Variants in SLC27A1 observed in about 807,000 individuals in gnomAD.
The protein encoded by SLC27A1 is long-chain fatty acid transport protein 1.
A neutral mutation model predicts 62.2 loss-of-function variants in SLC27A1; 61 were observed. The ratio of observed to expected loss-of-function variants is 0.98; its 90% CI spans 0.80 to 1.21. The LOEUF is 1.21. SLC27A1 is among the 50% of genes most tolerant of loss of function. SLC27A1 has a pLI of 0.00. For missense variants in SLC27A1, 903 were observed against 932.1 expected (o/e 0.97, Z 0.41); for synonymous variants, 435 against 408.6 (o/e 1.06, Z -0.78).
rs1465598398 is a variant in SLC27A1 at position 17,487,465 on chromosome 19, C to T, written c.730C>T (p.Leu244Phe). 2.5e-6 allele frequency: 4 copies of T among 1,584,328 alleles called. No individual in the cohort carries two copies. The highest frequency in any genetic ancestry group is 1.7e-5 in the Admixed American group (1 of 58,004). The change falls in exon 4 of 12, where the codon CTT becomes TTT. Residue 244 changes from leucine to phenylalanine, a missense_variant. By Grantham distance (22) the Leu-to-Phe change is conservative. Transcript: ENST00000252595. The stretch of plus-strand genomic sequence containing the variant: ...AACACCTGTATCTCCTGCAGATCGT[C>T]TTTTCTACATCTACACGTCGGGGAC... ...QIPSKGMDDR[L>F]FYIYTSGTTG...
intron 6 of SLC27A1, 84 bp from the exon 7 acceptor site, chr19:17,497,171 G>A (rs1006730378): frequency 2.1e-5 from 23 of 1,077,474 alleles, no homozygotes; most frequent in Non-Finnish European, 3.1e-5. Context: ...CTCCCTGGGT[G>A]GGGCGGTCTC....
At chr19:17,502,742 G>T (rs1599677923) in intron 11 of SLC27A1, among the ~76,000 whole-genome samples, 1 of 150,998 alleles carries the variant, frequency 6.6e-6, no homozygotes, top group Non-Finnish European at 1.5e-5. Flanking sequence ...CTGGCATGCA[G>T]TGGCACTATC....
At position 17,500,634 on chromosome 19, in the gene SLC27A1, T is replaced by G. The variant is rs554272792; in HGVS notation, c.1471+2T>G. The G allele has an allele frequency of 6.2e-7, 1 of 1,613,830 alleles. No individual in the cohort carries two copies. The highest frequency in any genetic ancestry group is 1.7e-5 in the Admixed American group (1 of 59,992). On this transcript the variant is annotated splice_donor_variant, in intron 9 of 11. Coordinates refer to ENST00000252595, the MANE Select transcript of SLC27A1 (RefSeq NM_198580.3). LOFTEE classifies it high-confidence loss of function. Reference sequence around the variant, plus strand: ...AGGGCGACAGCGCCTACCTCTCAGGTGCGCAGCCTGCTAGGCCCCGGTGAC... The same window carrying G: ...AGGGCGACAGCGCCTACCTCTCAGGGGCGCAGCCTGCTAGGCCCCGGTGAC...
chr19:17,492,935 C>G (rs559313330), intron 6 of SLC27A1, among the ~76,000 whole-genome samples: 1 of 149,784 alleles, frequency 6.7e-6, no homozygotes, highest in African/African-American at 2.5e-5. Flanking sequence ...AGCGAAACTC[C>G]GTCTTAAAAA....
intron 7 of SLC27A1, chr19:17,499,443 A>G (rs2075385078): frequency 6.6e-6 from 1 of 151,906 alleles, no homozygotes; most frequent in Admixed American, 6.6e-5. Context: ...TATGATCTAG[A>G]TCTAGTATAA....
chr19:17,475,157 C>T (rs573207910), intron 1 of SLC27A1, among the ~76,000 whole-genome samples: 6 of 152,266 alleles, frequency 3.9e-5, no homozygotes, highest in East Asian at 1.9e-4. Flanking sequence ...TCAGGTCATC[C>T]GCCTGCCTTG....
intron 11 of SLC27A1, among the ~76,000 whole-genome samples, chr19:17,502,335 GTTTTT>G (rs1175394305): frequency 2.6e-5 from 2 of 75,902 alleles, no homozygotes; most frequent in African/African-American, 9.8e-5. Flanking sequence ...CTGAAATAGT[GTTTTT>G]TTTGTTTTTT....
intron 1 of SLC27A1, among the ~76,000 whole-genome samples, chr19:17,485,634 A>T (rs1359372638): frequency 6.6e-6 from 1 of 151,830 alleles, no homozygotes; most frequent in East Asian, 2.0e-4. Context: ...GTTTGAGACC[A>T]GCCTGACCAA....
In SLC27A1 at chr19:17,505,232, G is replaced by T. The variant is rs4808657; in HGVS notation, c.*620G>T. 2.6e-5 allele frequency: 7 copies of T among 272,252 alleles called. No homozygotes were observed. The highest frequency in any genetic ancestry group is 1.1e-4 in the African/African-American group (5 of 44,398). 16.9% of individuals were successfully genotyped at this position (272,252 alleles called of 1,614,324 possible). A position where few individuals can be genotyped will look rare whatever the true frequency, so the allele number is the denominator to read the frequency against. On this transcript the variant is annotated 3_prime_UTR_variant, in exon 12 of 12. Transcript: ENST00000252595. ...TCCTCTCCTGCCGAGAGTGGAACAC[G>T]CGTGTCCTGGGAGCTGCATCTTGTG...
Position 17,505,088 on chromosome 19 carries a change from T to C in SLC27A1, c.*476T>C, listed in dbSNP as rs2075464020. 3 of 356,688 alleles carry C rather than the reference T, an allele frequency of 8.4e-6. No homozygotes were observed. Among genetic ancestry groups the C allele is most frequent in the South Asian group, 6.5e-5 (3 of 46,380 alleles). The allele number at this position is 356,688 out of a possible 1,614,324, so 22.1% of individuals were successfully genotyped here. A position where few individuals can be genotyped will look rare whatever the true frequency, so the allele number is the denominator to read the frequency against. On this transcript the variant is annotated 3_prime_UTR_variant, in exon 12 of 12. Transcript: ENST00000252595. Reference sequence around the variant, plus strand: ...TTTATATTTTTAGTAGAGACGGGGTTTCACCATGTTGGTCAGGTTGGTCTT... The same window carrying C: ...TTTATATTTTTAGTAGAGACGGGGTCTCACCATGTTGGTCAGGTTGGTCTT...
intron 1 of SLC27A1, among the ~76,000 whole-genome samples, chr19:17,475,393 T>C (rs564065295): frequency 0.017 from 2,615 of 152,044 alleles, 75 homozygotes; most frequent in African/African-American, 0.061. Flanking sequence ...AAAAATTAGC[T>C]GGGGGAGTGG....
At chr19:17,478,679 G>A (rs902115699) in intron 1 of SLC27A1, among the ~76,000 whole-genome samples, 2 of 150,726 alleles carry the variant, frequency 1.3e-5, no homozygotes, top group African/African-American at 2.4e-5. Flanking sequence ...GCAACATGGC[G>A]AAACCCCATC....
At chr19:17,500,932 A>C in intron 10 of SLC27A1, 56 bp downstream of exon 10, 1 of 1,515,216 alleles carries the variant, frequency 6.6e-7, no homozygotes, top group Non-Finnish European at 8.8e-7. Context: ...GAGCTCAGCC[A>C]AAAGGGGCTT....
At chr19:17,471,678 T>C (rs888093808) in intron 1 of SLC27A1, among the ~76,000 whole-genome samples, 6 of 152,026 alleles carry the variant, frequency 3.9e-5, no homozygotes, top group Admixed American at 2.6e-4. Context: ...ACTGAACCCA[T>C]TGTAAGGAGG....
intron 2 of SLC27A1, 70 bp downstream of exon 2, chr19:17,487,027 G>A (rs1599652963): frequency 6.5e-7 from 1 of 1,538,316 alleles, no homozygotes; most frequent in Non-Finnish European, 8.7e-7. Context: ...GGGAGATGCT[G>A]CGCCCCAGGC....
chr19:17,490,346 G>A (rs1424717346), intron 6 of SLC27A1, among the ~76,000 whole-genome samples: 2 of 151,758 alleles, frequency 1.3e-5, no homozygotes, highest in African/African-American at 4.8e-5. Flanking sequence ...TAGAGAAGAG[G>A]TTTCGCCATG....
upstream of SLC27A1, among the ~76,000 whole-genome samples, chr19:17,469,287 A>G (rs535295388): frequency 1.0e-3 from 159 of 152,194 alleles, no homozygotes; most frequent in Non-Finnish European, 1.7e-3. Flanking sequence ...TGAGGCCCCA[A>G]TGGTGTGAGT....
At chr19:17,476,529 C>T (rs2075123759) in intron 1 of SLC27A1, among the ~76,000 whole-genome samples, 1 of 116,558 alleles carries the variant, frequency 8.6e-6, no homozygotes, top group African/African-American at 3.4e-5. Flanking sequence ...CAGAGTGAGA[C>T]TCTGTCTCAA....
In SLC27A1 at chr19:17,482,225, A is replaced by G. The variant is rs539884759; in HGVS notation, c.168-4338A>G. The stretch of plus-strand genomic sequence containing the variant: ...AGTACATTGCACGTGGCGTTTAAAG[A>G]CTAGAAGTGCCCGCCGGGCGCAGTG... On this transcript the variant is annotated intron_variant, in intron 1 of 11. Coordinates refer to ENST00000252595, the MANE Select transcript of SLC27A1 (RefSeq NM_198580.3). Among the ~76,000 whole-genome samples the G allele has an allele frequency of 3.3e-5, 5 of 152,296 alleles. No individual in the cohort carries two copies. In the East Asian group the frequency reaches 9.6e-4, roughly 29 times the overall value.
Sources: allele counts gnomAD v4.1 joint callset (sites outside exome capture counted in the v4.1 genomes callset), GRCh38; gene constraint gnomAD v4.1.1; transcripts MANE v1.5; gene names NCBI Gene and HGNC (gene_info 2026-07-23, HGNC 2026-07-21).